CD80: variants seen among roughly 807,000 people sequenced by gnomAD.
CD80 encodes the protein T-lymphocyte activation antigen CD80.
In CD80, 13 loss-of-function variants were observed where a neutral mutation model predicts 27.1. The observed-to-expected ratio is 0.48, with a 90% CI of 0.31 to 0.76. The LOEUF (loss-of-function observed/expected upper bound fraction) is 0.76, where lower values mean the gene tolerates loss of function less well. CD80 is among the 30% of genes least tolerant of loss of function. CD80 has a pLI of 0.04. For missense variants in CD80, 277 were observed against 347.9 expected (o/e 0.80, Z 1.62); for synonymous variants, 125 against 125.5 (o/e 1.00, Z 0.03).
chr3:119,526,715 AAAC>A (rs2082068159), intron 6 of CD80, among the ~76,000 whole-genome samples: 1 of 152,198 alleles, frequency 6.6e-6, no homozygotes, highest in Non-Finnish European at 1.5e-5. Context: ...TGTTTTTGCA[AAAC>A]AACCTGTTGT....
intron 6 of CD80, 117 bp from the exon 7 acceptor site, chr3:119,525,866 A>G (rs1232000214): frequency 7.0e-6 from 1 of 143,510 alleles, no homozygotes; most frequent in Non-Finnish European, 1.5e-5. Context: ...ATATGTATAT[A>G]TGTATATATA....
At chr3:119,551,023 T>C (rs1434242636) in intron 2 of CD80, among the ~76,000 whole-genome samples, 1 of 152,208 alleles carries the variant, frequency 6.6e-6, no homozygotes, top group Non-Finnish European at 1.5e-5. Flanking sequence ...TTTACAACTG[T>C]GATGTATATT....
Position 119,527,809 on chromosome 3 carries a change from T to C in CD80, c.829A>G (p.Asn277Asp), listed in dbSNP as rs1234478928. The C allele has an allele frequency of 1.9e-6, 3 of 1,613,972 alleles. No individual in the cohort carries two copies. The highest frequency in any genetic ancestry group is 3.3e-5 in the Admixed American group (2 of 60,010). The change falls in exon 6 of 7, where the codon AAT becomes GAT. Residue 277 changes from asparagine (N) to aspartate (D), a missense_variant. Physicochemically the swap from Asn to Asp is conservative, Grantham distance 23. Transcript: ENST00000264246. ...FAPRCRERRR[N>D]ERLRRESVRP... Reference sequence around the variant, plus strand: ...ACACTTTCCCTTCTCAATCTCTCATTCCTCCTTCTCTCTCTGCATCTTGGG... The same window carrying C: ...ACACTTTCCCTTCTCAATCTCTCATCCCTCCTTCTCTCTCTGCATCTTGGG...
intron 3 of CD80, among the ~76,000 whole-genome samples, chr3:119,540,388 A>C (rs1259553276): frequency 1.8e-4 from 27 of 152,208 alleles, no homozygotes. Context: ...AGCCATGACA[A>C]ATGATGATAA....
intron 4 of CD80, among the ~76,000 whole-genome samples, chr3:119,534,418 G>A (rs986384009): frequency 6.6e-6 from 1 of 151,532 alleles, no homozygotes; most frequent in Non-Finnish European, 1.5e-5. Flanking sequence ...AATTTTGTTG[G>A]AACATAGCCA....
intron 6 of CD80, among the ~76,000 whole-genome samples, chr3:119,525,997 C>T (rs1267947488): frequency 2.6e-5 from 4 of 151,684 alleles, no homozygotes; most frequent in Non-Finnish European, 4.4e-5. Flanking sequence ...ACCTTGATAG[C>T]TGAAGAATAT....
chr3:119,543,178 C>G (rs577138542), intron 3 of CD80, among the ~76,000 whole-genome samples: 2 of 152,214 alleles, frequency 1.3e-5, no homozygotes, highest in East Asian at 3.9e-4. Flanking sequence ...GCCAGTTGTG[C>G]GTAAATTACT....
At chr3:119,556,103 G>A (rs748407914) in intron 2 of CD80, among the ~76,000 whole-genome samples, 12 of 152,184 alleles carry the variant, frequency 7.9e-5, no homozygotes, top group Non-Finnish European at 7.3e-5. Flanking sequence ...CTCTTTGAGT[G>A]CAGGAATCCT....
intron 2 of CD80, among the ~76,000 whole-genome samples, chr3:119,549,906 T>A (rs1164828430): frequency 1.3e-5 from 2 of 152,162 alleles, no homozygotes; most frequent in African/African-American, 2.4e-5. Context: ...GAAAGCAAAA[T>A]GAGACGTAGA....
In CD80 at chr3:119,529,983, G is replaced by A. The variant is rs570686095; in HGVS notation, c.701-46C>T. On this transcript the variant is annotated intron_variant, in intron 4 of 6. Coordinates refer to ENST00000264246, the MANE Select transcript of CD80 (RefSeq NM_005191.4). ...TGTCAGCTGTAATGTATTTCCTACTGCCTGATACTCATTCTGTGCCTTTTC... is the reference window on the plus strand; with the variant it reads ...TGTCAGCTGTAATGTATTTCCTACTACCTGATACTCATTCTGTGCCTTTTC... 4 of 1,320,868 alleles carry A rather than the reference G, an allele frequency of 3.0e-6. No homozygotes were observed. The African/African-American group carries it at 5.8e-5, about 19-fold the overall frequency. 81.8% of individuals were successfully genotyped at this position (1,320,868 alleles called of 1,614,324 possible).
intron 2 of CD80, among the ~76,000 whole-genome samples, chr3:119,549,940 A>G (rs548489730): frequency 6.6e-6 from 1 of 152,318 alleles, no homozygotes; most frequent in Admixed American, 6.5e-5. Flanking sequence ...ATCCATCTCC[A>G]TTGACTTGGA....
chr3:119,534,962 C>T (rs776888134), intron 4 of CD80, among the ~76,000 whole-genome samples: 2 of 152,040 alleles, frequency 1.3e-5, no homozygotes, highest in Admixed American at 1.3e-4. Flanking sequence ...GAGGCTGAGG[C>T]GGGCAGATCA....
chr3:119,554,344 T>C (rs2082251310), intron 2 of CD80, among the ~76,000 whole-genome samples: 1 of 152,140 alleles, frequency 6.6e-6, no homozygotes, highest in South Asian at 2.1e-4. Context: ...TTTTCCTACA[T>C]CTCTTGCCTC....
At chr3:119,546,902 C>G (rs747503179) in intron 2 of CD80, among the ~76,000 whole-genome samples, 6 of 152,000 alleles carry the variant, frequency 3.9e-5, no homozygotes, top group African/African-American at 1.2e-4. Context: ...TGGGAAAAAT[C>G]TAAGAATAAA....
chr3:119,537,011 G>T, intron 4 of CD80, 126 bp downstream of exon 4: 1 of 886,310 alleles, frequency 1.1e-6, no homozygotes, highest in Non-Finnish European at 1.8e-6. Context: ...ACACTCTGAT[G>T]TTCAGACAAT....
At chr3:119,533,733 T>A (rs930244206) in intron 4 of CD80, among the ~76,000 whole-genome samples, 2 of 152,128 alleles carry the variant, frequency 1.3e-5, no homozygotes, top group African/African-American at 4.8e-5. Context: ...GAACTGTGAG[T>A]CTAATTAAAC....
intron 2 of CD80, among the ~76,000 whole-genome samples, chr3:119,554,162 G>A (rs2082250535): frequency 1.3e-5 from 2 of 152,214 alleles, no homozygotes; most frequent in African/African-American, 4.8e-5. Flanking sequence ...GACTTGAACA[G>A]CTGTTGTCAG....
At chr3:119,558,432 G>A (rs115584637) in intron 1 of CD80, among the ~76,000 whole-genome samples, 2,650 of 152,160 alleles carry the variant, frequency 0.017, 67 homozygotes, top group African/African-American at 0.057. Context: ...TAAAAAGGGA[G>A]GGAAAAAAAG....
At chr3:119,534,714 A>G (rs998031464) in intron 4 of CD80, among the ~76,000 whole-genome samples, 9 of 152,212 alleles carry the variant, frequency 5.9e-5, no homozygotes, top group Non-Finnish European at 1.2e-4. Flanking sequence ...AAATAATGCT[A>G]TAACAAGAAA....
Sources: gnomAD v4.1 joint callset for allele counts (sites outside exome capture counted in the v4.1 genomes callset) on GRCh38, gnomAD v4.1.1 for gene constraint, MANE v1.5 for transcripts, NCBI Gene and HGNC (gene_info 2026-07-23, HGNC 2026-07-21) for gene names.